The following TRIM72 variants were observed in gnomAD, a reference collection of about 807,000 sequenced individuals.
TRIM72 encodes tripartite motif-containing protein 72.
TRIM72 carries 33 observed loss-of-function variants against 31.6 expected under a neutral mutation model. The observed-to-expected ratio is 1.04, with a 90% confidence interval of 0.79 to 1.40. The LOEUF is 1.40. Among genes scored for constraint, TRIM72 ranks in the 40% most tolerant of loss-of-function variants. The pLI, the probability that TRIM72 is intolerant of heterozygous loss-of-function variation, is 0.00. For synonymous variants in TRIM72, 301 were observed against 314.4 expected (o/e 0.96, Z 0.45); for missense variants, 666 against 682.7 (o/e 0.98, Z 0.27).
At position 31,224,204 on chromosome 16, in the gene TRIM72, C is replaced by G. The variant is rs534421116; in HGVS notation, c.883C>G (p.Pro295Ala). 1.2e-6 allele frequency: 2 copies of G among 1,603,592 alleles called. No individual in the cohort carries two copies. Among genetic ancestry groups the G allele is most frequent in the Non-Finnish European group, 8.5e-7 (1 of 1,179,836 alleles). ...AGCGCTGGAGGAGCTGACCTTTGAC[C>G]CGAGCTCTGCGCACCCGAGCCTGGT... ...MPALEELTFD[P>A]SSAHPSLVVS... Residue 295 changes from proline (P) to alanine (A), a missense_variant, in exon 7 of 7, where the codon CCG (proline) becomes GCG (alanine). Transcript: ENST00000322122.
At chr16:31,218,960 G>C in intron 2 of TRIM72, 135 bp from the exon 3 acceptor site, 1 of 759,248 alleles carries the variant, frequency 1.3e-6, no homozygotes, top group African/African-American at 1.7e-5. Context: ...AGGCATGTAA[G>C]TGGGTTTGGG....
At position 31,222,856 on chromosome 16, in the gene TRIM72, C is replaced by A. The variant is rs780912615; in HGVS notation, c.770C>A (p.Pro257Gln). The A allele has an allele frequency of 1.2e-5, 18 of 1,547,174 alleles. No individual in the cohort carries two copies. The highest frequency in any genetic ancestry group is 6.1e-5 in the South Asian group (5 of 82,100). ...RLQKILAESP[P>Q]PARLDIQLPI... is the part of the protein sequence containing the mutation. Reference sequence around the variant, plus strand: ...CAGAAGATCCTGGCAGAGTCTCCCCCACCCGCCCGTCTGGACATCCAGCTG... The same window carrying A: ...CAGAAGATCCTGGCAGAGTCTCCCCAACCCGCCCGTCTGGACATCCAGCTG... The change falls in exon 6 of 7, where the codon CCA becomes CAA. Residue 257 changes from proline to glutamine, a missense_variant. Physicochemically the swap from Pro to Gln is moderately conservative, Grantham distance 76. Transcript: ENST00000322122.
rs547839097 is a variant in TRIM72 at position 31,217,183 on chromosome 16, T to C, written c.391-1912T>C. ...CCTGTGGCTCCTGCTGGGAGGGGAC[T>C]CTGCAAACACCGCCTAGAGGGTCCC... On this transcript the variant is annotated intron_variant, in intron 2 of 6. Coordinates refer to ENST00000322122, the MANE Select transcript of TRIM72 (RefSeq NM_001008274.4). 873 of 789,578 alleles carry C rather than the reference T, an allele frequency of 1.1e-3. 6 individuals carry two copies. The African/African-American group carries it at 0.013, about 12-fold the overall frequency. 48.9% of individuals were successfully genotyped at this position (789,578 alleles called of 1,614,324 possible). A position where few individuals can be genotyped will look rare whatever the true frequency, so the allele number is the denominator to read the frequency against.
chr16:31,217,211 A>C (rs2079514410), intron 2 of TRIM72: 1 of 652,192 alleles, frequency 1.5e-6, no homozygotes, highest in African/African-American at 1.8e-5. Context: ...AGGGTCCCCC[A>C]GTTTCCCCTG....
chr16:31,226,436 C>A lies in TRIM72; in HGVS notation c.*1681C>A, dbSNP rs2079555288. On this transcript the variant is annotated 3_prime_UTR_variant, in exon 7 of 7. Transcript: ENST00000322122. Reference sequence around the variant, plus strand: ...TAGTGAGACCCTGTTGCAACAAAAACCAGAAAAACAACAAAAAGAAGACAT... The same window carrying A: ...TAGTGAGACCCTGTTGCAACAAAAAACAGAAAAACAACAAAAAGAAGACAT... The A allele has an allele frequency of 6.6e-6, 1 of 152,024 alleles. No individual in the cohort carries two copies. The highest frequency in any genetic ancestry group is 1.5e-5 in the Non-Finnish European group (1 of 68,022). The allele number at this position is 152,024 out of a possible 1,614,324, so 9.4% of individuals were successfully genotyped here. A position where few individuals can be genotyped will look rare whatever the true frequency, so the allele number is the denominator to read the frequency against.
intron 2 of TRIM72, among the ~76,000 whole-genome samples, chr16:31,217,761 C>T (rs1347009030): frequency 1.3e-5 from 2 of 152,052 alleles, no homozygotes; most frequent in Non-Finnish European, 2.9e-5. Context: ...ATTACAGGCA[C>T]TTGCCACAGC....
Position 31,216,406 on chromosome 16 carries a change from T to G in TRIM72, c.390+1278T>G. Reference sequence around the variant, plus strand: ...AGCTTTGTTCTTTTGCTCTTTGCAATAAATCTTGCTGCCGCTAAAAAAAAA... The same window carrying G: ...AGCTTTGTTCTTTTGCTCTTTGCAAGAAATCTTGCTGCCGCTAAAAAAAAA... On this transcript the variant is annotated intron_variant, in intron 2 of 6. Transcript: ENST00000322122. The surrounding 1 kb of genome is among the most constrained non-coding windows in gnomAD (Gnocchi z 6.7). 3 of 264,768 alleles carry G rather than the reference T, an allele frequency of 1.1e-5. No homozygotes were observed. Among genetic ancestry groups the G allele is most frequent in the Non-Finnish European group, 7.2e-6 (1 of 139,838 alleles). 16.4% of individuals were successfully genotyped at this position (264,768 alleles called of 1,614,324 possible).
rs769578887 is a variant in TRIM72 at position 31,219,412 on chromosome 16, G to A, written c.610G>A (p.Ala204Thr). The change falls in exon 4 of 7, where the codon GCC becomes ACC. Residue 204 changes from alanine (A) to threonine (T), a missense_variant. Transcript: ENST00000322122. This position sits in a 1 kb window ranked among gnomAD's most constrained non-coding sequence, Gnocchi z 4.2. ...GCGTGTACGGGGTGAGGCAGGGGTC[G>A]CCTTGCGCCGGGAGCTGGGGAGCCT... ...AERVRGEAGV[A>T]LRRELGSLNS... 2.3e-5 allele frequency: 37 copies of A among 1,613,566 alleles called. No individual in the cohort carries two copies. The South Asian group carries it at 2.3e-4, about 10-fold the overall frequency.
rs753631079 is a variant in TRIM72 at position 31,214,695 on chromosome 16, C to T, written c.-7-37C>T. ...CCAGGGCTGGGCCGGGAGCGCGGCG[C>T]CGCGGGGTCCCCCTAACCTACTCCT... is the stretch of plus-strand genomic sequence containing the variant. On this transcript the variant is annotated intron_variant, in intron 1 of 6. Transcript: ENST00000322122. The T allele has an allele frequency of 6.7e-6, 10 of 1,485,780 alleles. No homozygotes were observed. In the South Asian group the frequency reaches 1.3e-4, roughly 20 times the overall value. The allele number at this position is 1,485,780 out of a possible 1,614,324, so 92.0% of individuals were successfully genotyped here.
In TRIM72 at chr16:31,217,124, G is replaced by A. The variant is rs2079513966; in HGVS notation, c.391-1971G>A. On this transcript the variant is annotated intron_variant, in intron 2 of 6. Transcript: ENST00000322122. ...GAGCTGCCGCCCCCGGGGATGTCCC[G>A]GGAAGGAGACTGATCTGGCAGCTCC... The A allele has an allele frequency of 3.0e-6, 4 of 1,343,626 alleles. No individual in the cohort carries two copies. The South Asian group carries it at 4.2e-5, about 14-fold the overall frequency. The allele number at this position is 1,343,626 out of a possible 1,614,324, so 83.2% of individuals were successfully genotyped here. A position where few individuals can be genotyped will look rare whatever the true frequency, so the allele number is the denominator to read the frequency against.
chr16:31,227,025 T>G lies in TRIM72; in HGVS notation c.*2270T>G, dbSNP rs2079557111. On this transcript the variant is annotated 3_prime_UTR_variant, in exon 7 of 7. Coordinates refer to ENST00000322122, the MANE Select transcript of TRIM72 (RefSeq NM_001008274.4). Reference sequence around the variant, plus strand: ...TGGGTGTGTCTCCCAGAGGAAGGCCTGTGGAGCCCTGGCTTCAGGAGACAG... The same window carrying G: ...TGGGTGTGTCTCCCAGAGGAAGGCCGGTGGAGCCCTGGCTTCAGGAGACAG... 1 of 152,246 alleles carries G rather than the reference T, an allele frequency of 6.6e-6. No homozygotes were observed. The highest frequency in any genetic ancestry group is 6.5e-5 in the Admixed American group (1 of 15,276). The allele number at this position is 152,246 out of a possible 1,614,324, so 9.4% of individuals were successfully genotyped here.
rs755188223 is a variant in TRIM72, at chr16:31,215,116, C to T, written c.378C>T (p.His126=). 57 of 1,444,422 alleles carry T rather than the reference C, an allele frequency of 3.9e-5. No individual in the cohort carries two copies. The highest frequency in any genetic ancestry group is 4.9e-5 in the Non-Finnish European group (54 of 1,107,854). 89.5% of individuals were successfully genotyped at this position (1,444,422 alleles called of 1,614,324 possible). A position where few individuals can be genotyped will look rare whatever the true frequency, so the allele number is the denominator to read the frequency against. Reference sequence around the variant, plus strand: ...GCCTCCTGCCTGCCGCCGAGGCCCACGCACGCCTCAAGGTGCGGGATCCGC... The same window carrying T: ...GCCTCCTGCCTGCCGCCGAGGCCCATGCACGCCTCAAGGTGCGGGATCCGC... The part of the protein sequence containing the change: ...GHRLLPAAEA[H]ARLKTQLPQQ... Residue 126 remains histidine, a synonymous_variant, in exon 2 of 7, where the codon CAC becomes CAT. Transcript: ENST00000322122. This position sits in a 1 kb window ranked among gnomAD's most constrained non-coding sequence, Gnocchi z 6.3.
chr16:31,224,470 G>T lies in TRIM72; in HGVS notation c.1149G>T (p.Leu383=). The change falls in exon 7 of 7, where the codon CTG becomes CTT. Residue 383 remains leucine, a synonymous_variant. Coordinates refer to ENST00000322122, the MANE Select transcript of TRIM72 (RefSeq NM_001008274.4). ...HAVPSQGLWL[L]GLREGKILEA... is the part of the protein sequence containing the mutation. ...TGCCCTCGCAGGGCCTGTGGCTGCT[G>T]GGGCTGCGCGAGGGCAAGATCCTGG... 1.4e-6 allele frequency: 2 copies of T among 1,472,318 alleles called. No homozygotes were observed. The highest frequency in any genetic ancestry group is 1.8e-6 in the Non-Finnish European group (2 of 1,123,026). The allele number at this position is 1,472,318 out of a possible 1,614,324, so 91.2% of individuals were successfully genotyped here.
At chr16:31,220,449 CTT>C (rs1030812267) in intron 4 of TRIM72, among the ~76,000 whole-genome samples, 7 of 56,296 alleles carry the variant, frequency 1.2e-4, no homozygotes, top group African/African-American at 4.3e-4. Context: ...TTCTAGGTCT[CTT>C]TTGCGTTTTT....
rs2079497782 is a variant in TRIM72 at position 31,214,641 on chromosome 16, C to T, written c.-7-91C>T. Reference sequence around the variant, plus strand: ...CAGGCTGGGGCTTCTCCCTGCGGGGCGGCGGGCCCGGCCTGGGCTAGGGCT... The same window carrying T: ...CAGGCTGGGGCTTCTCCCTGCGGGGTGGCGGGCCCGGCCTGGGCTAGGGCT... On this transcript the variant is annotated intron_variant, in intron 1 of 6. Transcript: ENST00000322122. 7 of 1,309,286 alleles carry T rather than the reference C, an allele frequency of 5.3e-6. No individual in the cohort carries two copies. In the South Asian group the frequency reaches 7.0e-5, roughly 13 times the overall value. The allele number at this position is 1,309,286 out of a possible 1,614,324, so 81.1% of individuals were successfully genotyped here.
chr16:31,224,350 C>A lies in TRIM72; in HGVS notation c.1029C>A (p.Gly343=). ...AVVAHQQLSE[G]EHYWEVDVGD... ...TGGCGCACCAGCAGCTCTCCGAGGG[C>A]GAGCACTACTGGGAGGTGGATGTTG... is the stretch of plus-strand genomic sequence containing the variant. The change falls in exon 7 of 7, where the codon GGC becomes GGA. Residue 343 remains glycine, a synonymous_variant. Transcript: ENST00000322122. The A allele has an allele frequency of 6.3e-7, 1 of 1,578,778 alleles. No homozygotes were observed. Among genetic ancestry groups the A allele is most frequent in the Non-Finnish European group, 8.6e-7 (1 of 1,166,440 alleles).
chr16:31,221,467 G>C (rs1257891942), intron 5 of TRIM72, among the ~76,000 whole-genome samples: 4 of 148,880 alleles, frequency 2.7e-5, no homozygotes, highest in Admixed American at 2.0e-4. Flanking sequence ...GAAGGACATT[G>C]CTGGGAGAAG....
Position 31,214,917 on chromosome 16 carries a change from C to T in TRIM72, c.179C>T (p.Thr60Met). The change falls in exon 2 of 7, where the codon ACG becomes ATG. Residue 60 changes from threonine (T) to methionine (M), a missense_variant. Thr to Met is a moderately conservative substitution (Grantham distance 81, BLOSUM62 -1). Coordinates refer to ENST00000322122, the MANE Select transcript of TRIM72 (RefSeq NM_001008274.4). ...CTCTGCCCCTGCTGCCAGGCCCCCA[C>T]GCGGCCGCAGGCACTCAGCACCAAC... ...TVLCPCCQAP[T>M]RPQALSTNLQ... 6.6e-7 allele frequency: 1 copy of T among 1,511,492 alleles called. No individual in the cohort carries two copies. The highest frequency in any genetic ancestry group is 2.6e-5 in the East Asian group (1 of 38,532). 93.6% of individuals were successfully genotyped at this position (1,511,492 alleles called of 1,614,324 possible).
In TRIM72 at chr16:31,216,958, T is replaced by C. The variant is rs1482538352; in HGVS notation, c.390+1830T>C. On this transcript the variant is annotated intron_variant, in intron 2 of 6. Coordinates refer to ENST00000322122, the MANE Select transcript of TRIM72 (RefSeq NM_001008274.4). The surrounding 1 kb of genome is among the most constrained non-coding windows in gnomAD (Gnocchi z 6.7). ...CAGCGGCACCGTCCCCAGCTTCATC[T>C]TGAACTTCTTGAGCTCCTCCGGTGT... is the stretch of plus-strand genomic sequence containing the variant. 1.9e-6 allele frequency: 3 copies of C among 1,614,042 alleles called. No individual in the cohort carries two copies. The highest frequency in any genetic ancestry group is 2.5e-6 in the Non-Finnish European group (3 of 1,180,022).
Sources: gnomAD v4.1 joint callset for allele counts (sites outside exome capture counted in the v4.1 genomes callset) on GRCh38, gnomAD v4.1.1 for gene constraint, Gnocchi (gnomAD v3.1) non-coding constraint, MANE v1.5 for transcripts, NCBI Gene and HGNC (gene_info 2026-07-23, HGNC 2026-07-21) for gene names.